The following GLI3 variants were observed in gnomAD, a reference collection of about 807,000 sequenced individuals.
GLI3 encodes the protein transcription activator GLI3.
In GLI3, 20 loss-of-function variants were observed where a neutral mutation model predicts 100.8. The ratio of observed to expected loss-of-function variants is 0.20; its 90% CI spans 0.14 to 0.29. The LOEUF is 0.29. Ranked by LOEUF, GLI3 falls within the 10% of genes least tolerant of loss-of-function variation. GLI3 has a pLI of 1.00. For missense variants in GLI3, 2,040 were observed against 2,128.5 expected (o/e 0.96, Z 0.82); for synonymous variants, 938 against 860.5 (o/e 1.09, Z -1.58).
intron 2 of GLI3, among the ~76,000 whole-genome samples, chr7:42,175,716 AC>A (rs1335857361): frequency 2.0e-5 from 3 of 152,128 alleles, no homozygotes; most frequent in Non-Finnish European, 4.4e-5. Context: ...AACATTAAAA[AC>A]CATTAACTCT....
At chr7:42,002,308 A>C (rs937312958) in intron 10 of GLI3, among the ~76,000 whole-genome samples, 1 of 152,238 alleles carries the variant, frequency 6.6e-6, no homozygotes, top group Non-Finnish European at 1.5e-5. Flanking sequence ...AATTAGACTT[A>C]TGACAAAAAG....
At position 42,045,518 on chromosome 7, in the gene GLI3, C is replaced by A. The variant is rs1332020450; in HGVS notation, c.692G>T (p.Gly231Val). The change falls in exon 6 of 15, where the codon GGA becomes GTA. Residue 231 changes from glycine to valine, a missense_variant. Transcript: ENST00000395925. ...ATGATAGTATTCTGCTGGGCTGACT[C>A]CTGCATGGGGCGCTAGGAGGAGACA... is the stretch of plus-strand genomic sequence containing the variant. ...GLSPTDAPHA[G>V]VSPAEYYHQM... The A allele has an allele frequency of 8.7e-6, 14 of 1,614,008 alleles. No individual in the cohort carries two copies. The highest frequency in any genetic ancestry group is 1.2e-5 in the Non-Finnish European group (14 of 1,179,982).
In GLI3 at chr7:42,202,510, G is replaced by A. The variant is rs561252952; in HGVS notation, c.124+20620C>T. Reference sequence around the variant, plus strand: ...TAATATCAGAGCAGTAGTCAGTATCGATTGTATTCATTTTATGTCAATGAT... The same window carrying A: ...TAATATCAGAGCAGTAGTCAGTATCAATTGTATTCATTTTATGTCAATGAT... On this transcript the variant is annotated intron_variant, in intron 2 of 14. Transcript: ENST00000395925. 3.9e-5 allele frequency among the ~76,000 whole-genome samples: 6 copies of A among 152,208 alleles called. No homozygotes were observed. The South Asian group carries it at 6.2e-4, about 16-fold the overall frequency.
chr7:42,072,145 C>A (rs1784795716), intron 4 of GLI3, among the ~76,000 whole-genome samples: 1 of 152,168 alleles, frequency 6.6e-6, no homozygotes, highest in South Asian at 2.1e-4. Flanking sequence ...CAGCACAAAG[C>A]AAGAGCAGCT....
intron 2 of GLI3, among the ~76,000 whole-genome samples, chr7:42,174,765 G>A (rs1476521251): frequency 6.6e-6 from 1 of 152,194 alleles, no homozygotes; most frequent in Admixed American, 6.5e-5. Context: ...GACGGCACGG[G>A]CGAGGAGTCT....
intron 6 of GLI3, among the ~76,000 whole-genome samples, chr7:42,042,594 A>G (rs1057069688): frequency 1.3e-5 from 2 of 152,196 alleles, no homozygotes; most frequent in African/African-American, 2.4e-5. Context: ...ATCCCTAGAA[A>G]ATCTCTAATG....
chr7:42,255,058 CT>C (rs888422714), intron 1 of GLI3, among the ~76,000 whole-genome samples: 5 of 148,966 alleles, frequency 3.4e-5, no homozygotes, highest in African/African-American at 5.1e-5. Flanking sequence ...TCTCTTACAT[CT>C]TTTTTTTTCT....
chr7:42,245,342 G>A (rs1162149267), intron 1 of GLI3, among the ~76,000 whole-genome samples: 4 of 151,930 alleles, frequency 2.6e-5, no homozygotes, highest in Admixed American at 6.6e-5. Context: ...TATATTTTTG[G>A]GCAAATGACA....
Position 41,966,206 on chromosome 7 carries a change from C to T in GLI3, c.2867G>A (p.Arg956His). 1 of 1,607,156 alleles carries T rather than the reference C, an allele frequency of 6.2e-7. No homozygotes were observed. Among genetic ancestry groups the T allele is most frequent in the Non-Finnish European group, 8.5e-7 (1 of 1,178,622 alleles). ...PNMERMSLKT[R>H]LALLGDALEP... Reference sequence around the variant, plus strand: ...GAGGGCATCCCCGAGCAGCGCCAGGCGCGTCTTCAGGCTCATCCTCTCCAT... The same window carrying T: ...GAGGGCATCCCCGAGCAGCGCCAGGTGCGTCTTCAGGCTCATCCTCTCCAT... Residue 956 changes from arginine to histidine, a missense_variant, in exon 15 of 15, where the codon CGC (arginine) becomes CAC (histidine). Physicochemically the swap from Arg to His is conservative, Grantham distance 29. Coordinates refer to ENST00000395925, the MANE Select transcript of GLI3 (RefSeq NM_000168.6). This position sits in a 1 kb window ranked among gnomAD's most constrained non-coding sequence, Gnocchi z 5.8.
At chr7:42,132,262 G>GCCACCACGCCTGCCCGCCACCCCGCCCA (rs1562748790) in intron 3 of GLI3, among the ~76,000 whole-genome samples, 1 of 149,994 alleles carries the variant, frequency 6.7e-6, no homozygotes, top group African/African-American at 2.5e-5. Flanking sequence ...CACTACGCCC[G>GCCACCACGCCTGCCCGCCACCCCGCCCA]GCTAATTTTT....
At chr7:42,229,014 G>A (rs989527873) in intron 1 of GLI3, among the ~76,000 whole-genome samples, 3 of 152,168 alleles carry the variant, frequency 2.0e-5, no homozygotes, top group African/African-American at 4.8e-5. Context: ...CCCCATGGGA[G>A]CAGGATTCCT....
At chr7:42,176,047 G>A (rs1180671729) in intron 2 of GLI3, among the ~76,000 whole-genome samples, 1 of 152,068 alleles carries the variant, frequency 6.6e-6, no homozygotes, top group African/African-American at 2.4e-5. Flanking sequence ...GTCTGAACTT[G>A]TCAACTGAGC....
At position 42,045,314 on chromosome 7, in the gene GLI3, T is replaced by G. The variant is rs564700804; in HGVS notation, c.826+70A>C. 2.9e-6 allele frequency: 4 copies of G among 1,389,534 alleles called. No individual in the cohort carries two copies. In the African/African-American group the frequency reaches 5.6e-5, roughly 20 times the overall value. The allele number at this position is 1,389,534 out of a possible 1,614,324, so 86.1% of individuals were successfully genotyped here. The stretch of plus-strand genomic sequence containing the variant: ...GTTACACAATCACCTAATCTTTGTA[T>G]CTTCTTCTCTGTTTCATAAAGTTGC... On this transcript the variant is annotated intron_variant, in intron 6 of 14. Transcript: ENST00000395925.
chr7:42,017,869 CTCTG>C (rs1194632168), intron 10 of GLI3, among the ~76,000 whole-genome samples: 1 of 152,214 alleles, frequency 6.6e-6, no homozygotes, highest in Non-Finnish European at 1.5e-5. Flanking sequence ...CTTCGAGACC[CTCTG>C]TCTGTTTCTC....
intron 10 of GLI3, among the ~76,000 whole-genome samples, chr7:41,987,028 G>A (rs1284221641): frequency 1.3e-5 from 2 of 151,472 alleles, no homozygotes; most frequent in Admixed American, 6.6e-5. Context: ...GGCCCGACAA[G>A]TGTTTTTCCA....
intron 2 of GLI3, among the ~76,000 whole-genome samples, chr7:42,149,522 A>G (rs765880769): frequency 6.6e-6 from 1 of 152,200 alleles, no homozygotes; most frequent in African/African-American, 2.4e-5. Context: ...TGAATCATAC[A>G]TGAACTCTAA....
chr7:41,966,308 GTGA>G lies in GLI3; in HGVS notation c.2762_2764del (p.Leu921_Thr922delinsPro). 1 of 1,607,820 alleles carries G rather than the reference GTGA, an allele frequency of 6.2e-7. No individual in the cohort carries two copies. Among genetic ancestry groups the G allele is most frequent in the Non-Finnish European group, 8.5e-7 (1 of 1,179,190 alleles). On this transcript the variant is annotated inframe_deletion, in exon 15 of 15. Coordinates refer to ENST00000395925, the MANE Select transcript of GLI3 (RefSeq NM_000168.6). The surrounding 1 kb of genome is among the most constrained non-coding windows in gnomAD (Gnocchi z 5.8). Reference sequence around the variant, plus strand: ...CTTGAGGCGGTACTGCTGGGCGGGCGTGAGGCTGAGCAGGCTGGGCAGGCCGTC... The same window carrying G: ...CTTGAGGCGGTACTGCTGGGCGGGCGGGCTGAGCAGGCTGGGCAGGCCGTC...
intron 2 of GLI3, among the ~76,000 whole-genome samples, chr7:42,150,965 A>G (rs1562759742): frequency 1.3e-5 from 2 of 152,176 alleles, no homozygotes; most frequent in Admixed American, 6.5e-5. Flanking sequence ...TTTTAGCTCA[A>G]TGATTTTCTT....
chr7:42,005,571 T>C (rs894568402), intron 10 of GLI3, among the ~76,000 whole-genome samples: 1 of 151,800 alleles, frequency 6.6e-6, no homozygotes, highest in Non-Finnish European at 1.5e-5. Context: ...CTGCCTTTTG[T>C]ACCCTTGGCA....
Sources: allele counts gnomAD v4.1 joint callset (sites outside exome capture counted in the v4.1 genomes callset), GRCh38; gene constraint gnomAD v4.1.1; non-coding constraint Gnocchi (gnomAD v3.1); transcripts MANE v1.5; gene names NCBI Gene and HGNC (gene_info 2026-07-23, HGNC 2026-07-21).